PPARD: variants seen among roughly 807,000 people sequenced by gnomAD.
PPARD encodes peroxisome proliferator-activated receptor delta.
A neutral mutation model predicts 39.5 loss-of-function variants in PPARD; 6 were observed. The ratio of observed to expected loss-of-function variants is 0.15; its 90% CI spans 0.08 to 0.30. PPARD has a LOEUF of 0.30. Among genes scored for constraint, PPARD ranks in the 10% least tolerant of loss-of-function variants. The pLI is 1.00. For synonymous variants in PPARD, 210 were observed against 231.3 expected (o/e 0.91, Z 0.83); for missense variants, 397 against 596.8 (o/e 0.67, Z 3.49).
intron 2 of PPARD, among the ~76,000 whole-genome samples, chr6:35,396,406 G>A (rs112616897): frequency 0.016 from 2,371 of 150,702 alleles, 40 homozygotes; most frequent in African/African-American, 0.039. Flanking sequence ...GGGTGTCACC[G>A]TGTTAGCCAG....
chr6:35,379,128 C>G (rs1314709158), intron 2 of PPARD, among the ~76,000 whole-genome samples: 2 of 146,112 alleles, frequency 1.4e-5, no homozygotes, highest in Non-Finnish European at 3.0e-5. Flanking sequence ...TTTGAGATAG[C>G]GTCTCACTCT....
chr6:35,421,047 G>A lies in PPARD; in HGVS notation c.285+766G>A, dbSNP rs563317433. On this transcript the variant is annotated intron_variant, in intron 4 of 7. Transcript: ENST00000360694. ...TCACCACATTGGCCAGGCTGGTCTC[G>A]AACTCCTGACCTCAGGTGATCCACC... Among the ~76,000 whole-genome samples the A allele has an allele frequency of 1.4e-3, 208 of 151,936 alleles. 2 individuals carry two copies. Among genetic ancestry groups the A allele is most frequent in the African/African-American group, 4.5e-3 (185 of 41,466 alleles).
intron 2 of PPARD, among the ~76,000 whole-genome samples, chr6:35,385,237 G>C (rs1763544364): frequency 3.4e-5 from 5 of 148,976 alleles, no homozygotes; most frequent in Admixed American, 2.0e-4. Context: ...GATGGTTGCC[G>C]TGTCTGTGTA....
chr6:35,349,121 G>A (rs1291012644), intron 2 of PPARD: 1 of 745,654 alleles, frequency 1.3e-6, no homozygotes, highest in Admixed American at 6.3e-5. Flanking sequence ...TGCCTCCTGG[G>A]TTCACACCAT....
At chr6:35,349,673 T>C (rs183152214) in intron 2 of PPARD, among the ~76,000 whole-genome samples, 2 of 150,830 alleles carry the variant, frequency 1.3e-5, no homozygotes, top group Admixed American at 1.3e-4. Flanking sequence ...TAAGTTTTTT[T>C]TTTGTTTGTT....
intron 2 of PPARD, among the ~76,000 whole-genome samples, chr6:35,383,493 C>T (rs1197275552): frequency 1.3e-5 from 2 of 150,650 alleles, no homozygotes; most frequent in Non-Finnish European, 1.5e-5. Flanking sequence ...GGCCACCCAT[C>T]GTCTGGGATG....
intron 2 of PPARD, among the ~76,000 whole-genome samples, chr6:35,384,011 G>A (rs1181767995): frequency 3.4e-5 from 5 of 145,384 alleles, no homozygotes; most frequent in Non-Finnish European, 6.0e-5. Flanking sequence ...CCCACGCCCC[G>A]CCAGCCGCCC....
intron 2 of PPARD, among the ~76,000 whole-genome samples, chr6:35,358,721 A>G (rs755849696): frequency 6.6e-6 from 1 of 152,244 alleles, no homozygotes; most frequent in Non-Finnish European, 1.5e-5. Flanking sequence ...TATCATGAAC[A>G]AAGAGTTCTT....
At chr6:35,418,747 C>T (rs764162256) in intron 3 of PPARD, among the ~76,000 whole-genome samples, 1 of 152,164 alleles carries the variant, frequency 6.6e-6, no homozygotes, top group Non-Finnish European at 1.5e-5. Flanking sequence ...AGCTAAGGTG[C>T]CAGGACAAGA....
At chr6:35,387,914 G>T (rs1763770835) in intron 2 of PPARD, among the ~76,000 whole-genome samples, 1 of 151,120 alleles carries the variant, frequency 6.6e-6, no homozygotes, top group Non-Finnish European at 1.5e-5. Context: ...TAGAGATGGG[G>T]TTTCACCATG....
chr6:35,375,307 T>G (rs1209540547), intron 2 of PPARD, among the ~76,000 whole-genome samples: 5 of 131,608 alleles, frequency 3.8e-5, no homozygotes, highest in Admixed American at 2.7e-4. Context: ...AACCTCTGCC[T>G]CCCAGGTTCA....
intron 2 of PPARD, among the ~76,000 whole-genome samples, chr6:35,370,076 C>G (rs1471824023): frequency 6.6e-6 from 1 of 152,130 alleles, no homozygotes; most frequent in Non-Finnish European, 1.5e-5. Context: ...CTCCCTGTTC[C>G]TTTGAATCTG....
At chr6:35,384,370 T>C (rs1336505764) in intron 2 of PPARD, among the ~76,000 whole-genome samples, 18 of 114,768 alleles carry the variant, frequency 1.6e-4, no homozygotes, top group South Asian at 3.2e-4. Context: ...CGCCTCTGCC[T>C]GGCTGCCCCT....
At chr6:35,373,382 C>T (rs1011440505) in intron 2 of PPARD, among the ~76,000 whole-genome samples, 2 of 152,208 alleles carry the variant, frequency 1.3e-5, no homozygotes, top group African/African-American at 4.8e-5. Flanking sequence ...TAGAGACCAG[C>T]TTCTGCTGTG....
chr6:35,364,479 G>A (rs559013016), intron 2 of PPARD, among the ~76,000 whole-genome samples: 66 of 149,884 alleles, frequency 4.4e-4, no homozygotes, highest in African/African-American at 1.5e-3. Context: ...TGTTGCCCAG[G>A]CTGGAGTGCA....
rs1448613503 is a variant in PPARD, at chr6:35,354,253, A to G, written c.-102+7103A>G. Among the ~76,000 whole-genome samples, 189 of 149,412 alleles carry G rather than the reference A, an allele frequency of 1.3e-3. 1 individual carries two copies. The highest frequency in any genetic ancestry group is 2.1e-3 in the Non-Finnish European group (142 of 67,380). On this transcript the variant is annotated intron_variant, in intron 2 of 7. Transcript: ENST00000360694. Reference sequence around the variant, plus strand: ...TCTCAAAAAAAAAAAAAAAAAAAAAAGCGATACACATTCAACAGAAGCCCC... The same window carrying G: ...TCTCAAAAAAAAAAAAAAAAAAAAAGGCGATACACATTCAACAGAAGCCCC...
chr6:35,422,054 G>C, intron 5 of PPARD, 96 bp downstream of exon 5: 1 of 1,382,740 alleles, frequency 7.2e-7, no homozygotes, highest in Non-Finnish European at 9.6e-7. Flanking sequence ...GGGGGCACCT[G>C]TAGAGCAGTG....
At chr6:35,372,126 A>G (rs928213208) in intron 2 of PPARD, among the ~76,000 whole-genome samples, 2 of 152,174 alleles carry the variant, frequency 1.3e-5, no homozygotes, top group African/African-American at 4.8e-5. Flanking sequence ...TTGTTGTGAG[A>G]ATTAGATTGC....
In PPARD at chr6:35,347,800, G is replaced by A. The variant is rs1760968346; in HGVS notation, c.-102+650G>A. The stretch of plus-strand genomic sequence containing the variant: ...ATTTTTGTATTTTTAGTAGAGATGG[G>A]GTTTCACCATGTTGGCCAGGCTGGT... On this transcript the variant is annotated intron_variant, in intron 2 of 7. Coordinates refer to ENST00000360694, the MANE Select transcript of PPARD (RefSeq NM_006238.5). 2.0e-5 allele frequency among the ~76,000 whole-genome samples: 3 copies of A among 151,940 alleles called. No homozygotes were observed. In the South Asian group the frequency reaches 6.2e-4, roughly 32 times the overall value.
Sources: allele counts gnomAD v4.1 joint callset (sites outside exome capture counted in the v4.1 genomes callset), GRCh38; gene constraint gnomAD v4.1.1; transcripts MANE v1.5; gene names NCBI Gene and HGNC (gene_info 2026-07-23, HGNC 2026-07-21).